Variants in EPB41L5 observed in about 807,000 individuals in gnomAD.
The protein encoded by EPB41L5 is band 4.1-like protein 5.
EPB41L5 carries 55 observed loss-of-function variants against 106.6 expected under a neutral mutation model. That is an observed-to-expected ratio of 0.52 (90% CI 0.42 to 0.65). The LOEUF (loss-of-function observed/expected upper bound fraction) is 0.65, where lower values mean the gene tolerates loss of function less well. EPB41L5 is among the 30% of genes least tolerant of loss of function. The probability of loss-of-function intolerance (pLI) is 0.00; values close to 1 mark genes in which losing one functional copy is unlikely to be tolerated. For synonymous variants in EPB41L5, 297 were observed against 306.7 expected (o/e 0.97, Z 0.33); for missense variants, 871 against 882.1 (o/e 0.99, Z 0.16).
intron 16 of EPB41L5, among the ~76,000 whole-genome samples, chr2:120,115,549 C>T (rs1415825437): frequency 6.6e-6 from 1 of 151,952 alleles, no homozygotes; most frequent in African/African-American, 2.4e-5. Context: ...CCATGCCTGG[C>T]TAATTTTTAT....
In EPB41L5 at chr2:120,061,226, T is replaced by G. The variant is rs567205223; in HGVS notation, c.286-11952T>G. Among the ~76,000 whole-genome samples, 287 of 140,278 alleles carry G rather than the reference T, an allele frequency of 2.0e-3. 3 individuals are homozygous for G. The highest frequency in any genetic ancestry group is 3.3e-3 in the African/African-American group (130 of 39,644). The allele number at this position is 140,278 out of a possible 152,430, so 92.0% of individuals were successfully genotyped here. On this transcript the variant is annotated intron_variant, in intron 3 of 24. Transcript: ENST00000263713. Reference sequence around the variant, plus strand: ...TGGCTAATTTTTTGTATTTTTTTTTTTATTTTTTTTTTTTGAGACGGAGTC... The same window carrying G: ...TGGCTAATTTTTTGTATTTTTTTTTGTATTTTTTTTTTTTGAGACGGAGTC...
chr2:120,096,621 C>T (rs1683774876), intron 14 of EPB41L5, among the ~76,000 whole-genome samples: 1 of 152,108 alleles, frequency 6.6e-6, no homozygotes, highest in South Asian at 2.1e-4. Context: ...AAGACCCCAT[C>T]TCTACTAAAA....
chr2:120,043,354 A>G (rs1679542488), intron 3 of EPB41L5, among the ~76,000 whole-genome samples: 1 of 152,002 alleles, frequency 6.6e-6, no homozygotes, highest in Admixed American at 6.6e-5. Flanking sequence ...CAGCCTGTCC[A>G]ACATGGCAAA....
intron 3 of EPB41L5, among the ~76,000 whole-genome samples, chr2:120,057,022 GAGTA>G (rs1328937568): frequency 2.0e-5 from 3 of 152,048 alleles, no homozygotes; most frequent in African/African-American, 7.2e-5. Context: ...TCAGCCTCCT[GAGTA>G]GTGGGGGCTA....
chr2:120,097,138 A>G (rs1318643934), intron 14 of EPB41L5, among the ~76,000 whole-genome samples: 1 of 152,198 alleles, frequency 6.6e-6, no homozygotes, highest in African/African-American at 2.4e-5. Flanking sequence ...GTGTCTCTTC[A>G]TTAGTGATGC....
chr2:120,172,196 G>A (rs1222058951), intron 24 of EPB41L5, among the ~76,000 whole-genome samples: 1 of 152,154 alleles, frequency 6.6e-6, no homozygotes, highest in African/African-American at 2.4e-5. Flanking sequence ...AATCATAGGA[G>A]ATCTAGAAAG....
chr2:120,148,207 A>G (rs959537101), intron 20 of EPB41L5, among the ~76,000 whole-genome samples: 3 of 152,148 alleles, frequency 2.0e-5, no homozygotes, highest in African/African-American at 7.2e-5. Context: ...TTAAAAATAC[A>G]CAATTCAGTA....
chr2:120,075,028 A>G (rs950740816), intron 5 of EPB41L5, among the ~76,000 whole-genome samples: 2 of 152,178 alleles, frequency 1.3e-5, no homozygotes, highest in African/African-American at 4.8e-5. Flanking sequence ...GGGTTTCGCC[A>G]TGTTGGCCAG....
chr2:120,086,556 A>G (rs1035044313), intron 10 of EPB41L5, among the ~76,000 whole-genome samples: 4 of 151,942 alleles, frequency 2.6e-5, no homozygotes, highest in African/African-American at 9.7e-5. Flanking sequence ...GAGCCCAGGA[A>G]TTTGAGACCA....
intron 14 of EPB41L5, among the ~76,000 whole-genome samples, chr2:120,094,482 C>CAA (rs201981175): frequency 8.7e-5 from 12 of 137,314 alleles, no homozygotes; most frequent in Non-Finnish European, 1.1e-4. Context: ...TTTTTTCTTG[C>CAA]AAAAAAAAAA....
At chr2:120,148,983 A>T (rs895552571) in intron 20 of EPB41L5, among the ~76,000 whole-genome samples, 3 of 152,250 alleles carry the variant, frequency 2.0e-5, no homozygotes, top group East Asian at 3.9e-4. Context: ...TCTTACCAGC[A>T]ATGTATGAGG....
chr2:120,177,495 G>A lies in EPB41L5; in HGVS notation c.*2588G>A, dbSNP rs760934735. On this transcript the variant is annotated 3_prime_UTR_variant, in exon 25 of 25. Coordinates refer to ENST00000263713, the MANE Select transcript of EPB41L5 (RefSeq NM_020909.4). ...ATTTCATAGCCCTGATAGGGGAAGT[G>A]GGAGTTGACAGGATGGTTTAAAATA... is the stretch of plus-strand genomic sequence containing the variant. 6.6e-5 allele frequency: 10 copies of A among 152,262 alleles called. No homozygotes were observed. Among genetic ancestry groups the A allele is most frequent in the Non-Finnish European group, 1.3e-4 (9 of 68,018 alleles). The allele number at this position is 152,262 out of a possible 1,614,324, so 9.4% of individuals were successfully genotyped here. A position where few individuals can be genotyped will look rare whatever the true frequency, so the allele number is the denominator to read the frequency against.
Position 120,132,064 on chromosome 2 carries a change from G to A in EPB41L5, c.1599+349G>A, listed in dbSNP as rs11886211. ...TTGTTTTAAAGAGAGCTGCTCTGTG[G>A]TATAAACAAGAAAGAGAATAGAATT... On this transcript the variant is annotated intron_variant, in intron 18 of 24. Transcript: ENST00000263713. 7.6e-3 allele frequency among the ~76,000 whole-genome samples: 1,161 copies of A among 152,224 alleles called. 12 individuals carry two copies. Among genetic ancestry groups the A allele is most frequent in the African/African-American group, 0.026 (1,066 of 41,542 alleles).
intron 3 of EPB41L5, among the ~76,000 whole-genome samples, chr2:120,063,967 A>G (rs1681270924): frequency 6.6e-6 from 1 of 151,998 alleles, no homozygotes. Context: ...AAAAGAAACA[A>G]AAATCCTTAG....
intron 16 of EPB41L5, among the ~76,000 whole-genome samples, chr2:120,113,236 A>G (rs796282857): frequency 8.5e-5 from 13 of 152,348 alleles, no homozygotes; most frequent in African/African-American, 2.6e-4. Context: ...AATCATGTAT[A>G]TATTAGTAAG....
At chr2:120,124,630 T>TA (rs1299303535) in intron 16 of EPB41L5, among the ~76,000 whole-genome samples, 2 of 152,362 alleles carry the variant, frequency 1.3e-5, no homozygotes, top group Non-Finnish European at 2.9e-5. Context: ...ATGGTACTGT[T>TA]ACCTAATATA....
chr2:120,020,393 T>G (rs1437133617), intron 2 of EPB41L5, among the ~76,000 whole-genome samples: 1 of 152,210 alleles, frequency 6.6e-6, no homozygotes, highest in Non-Finnish European at 1.5e-5. Flanking sequence ...GATATGTACA[T>G]TATACATTTT....
At chr2:120,146,689 C>G (rs1289862820) in intron 20 of EPB41L5, among the ~76,000 whole-genome samples, 1 of 152,154 alleles carries the variant, frequency 6.6e-6, no homozygotes, top group African/African-American at 2.4e-5. Flanking sequence ...CTTTGCTGCT[C>G]CCTCCAAGTC....
chr2:120,027,873 T>A (rs114415521), intron 2 of EPB41L5, among the ~76,000 whole-genome samples: 3,296 of 152,238 alleles, frequency 0.022, 117 homozygotes, highest in African/African-American at 0.074. Context: ...TTAAATTTTT[T>A]AATTTTTTTG....
Sources: allele counts gnomAD v4.1 joint callset (sites outside exome capture counted in the v4.1 genomes callset), GRCh38; gene constraint gnomAD v4.1.1; transcripts MANE v1.5; gene names NCBI Gene and HGNC (gene_info 2026-07-23, HGNC 2026-07-21).